Variants in TMEM63C observed in about 807,000 individuals in gnomAD.
TMEM63C encodes osmosensitive cation channel TMEM63C.
TMEM63C carries 32 observed loss-of-function variants against 99.2 expected under a neutral mutation model. The ratio of observed to expected loss-of-function variants is 0.32; its 90% CI spans 0.24 to 0.43. The LOEUF is 0.43. TMEM63C is among the 20% of genes least tolerant of loss of function. The pLI, the probability that TMEM63C is intolerant of heterozygous loss-of-function variation, is 1.00. For synonymous variants in TMEM63C, 376 were observed against 397.9 expected (o/e 0.94, Z 0.66); for missense variants, 826 against 1,053.0 (o/e 0.78, Z 2.98).
chr14:77,225,948 C>A (rs1023764147), intron 6 of TMEM63C, among the ~76,000 whole-genome samples: 2 of 152,084 alleles, frequency 1.3e-5, no homozygotes, highest in Non-Finnish European at 2.9e-5. Context: ...ATGCCAGACC[C>A]CACTTTGCAA....
At chr14:77,194,099 T>C (rs1416798931) in intron 1 of TMEM63C, among the ~76,000 whole-genome samples, 1 of 152,238 alleles carries the variant, frequency 6.6e-6, no homozygotes, top group Non-Finnish European at 1.5e-5. Context: ...ATTACAGCTT[T>C]GCTTGTGCAG....
At chr14:77,219,958 G>A (rs773213241) in intron 4 of TMEM63C, 48 bp from the exon 5 acceptor site, 25 of 1,531,240 alleles carry the variant, frequency 1.6e-5, no homozygotes, top group Non-Finnish European at 2.2e-5. Context: ...AGGCAGCTGA[G>A]AACTTTTCTC....
At chr14:77,244,267 A>T in intron 15 of TMEM63C, 82 bp from the exon 16 acceptor site, 1 of 1,063,800 alleles carries the variant, frequency 9.4e-7, no homozygotes, top group Non-Finnish European at 1.4e-6. Context: ...CAGCCCTGGG[A>T]GTGAGTGGGA....
chr14:77,227,350 G>A (rs1888845902), intron 6 of TMEM63C, among the ~76,000 whole-genome samples: 2 of 152,166 alleles, frequency 1.3e-5, no homozygotes, highest in Admixed American at 1.3e-4. Context: ...ACAGTCAGTA[G>A]GTTGTGGCCT....
In TMEM63C at chr14:77,257,008, ACTG is replaced by A. The variant is rs1400213541; in HGVS notation, c.*283_*285del. The A allele has an allele frequency of 5.0e-6, 2 of 402,482 alleles. No individual in the cohort carries two copies. Among genetic ancestry groups the A allele is most frequent in the Non-Finnish European group, 9.0e-6 (2 of 222,088 alleles). 24.9% of individuals were successfully genotyped at this position (402,482 alleles called of 1,614,324 possible). ...AGGTGGCTGGAGCCCCGGCACAGAG[ACTG>A]AACGCTGGGGTCCCTTCCTGGGACC... is the stretch of plus-strand genomic sequence containing the variant. On this transcript the variant is annotated 3_prime_UTR_variant, in exon 24 of 24. Transcript: ENST00000298351.
chr14:77,186,871 C>G (rs965776505), intron 1 of TMEM63C, among the ~76,000 whole-genome samples: 1 of 144,886 alleles, frequency 6.9e-6, no homozygotes, highest in Non-Finnish European at 1.5e-5. Context: ...ATACAATGAG[C>G]AAGCTGTTGC....
At chr14:77,251,668 GA>G (rs1889362115) in intron 21 of TMEM63C, 120 bp from the exon 22 acceptor site, 42 of 727,502 alleles carry the variant, frequency 5.8e-5, no homozygotes, top group South Asian at 4.3e-4. Context: ...GTTGTTATCA[GA>G]GGAGGACTGG....
chr14:77,238,408 G>A (rs565585215), intron 9 of TMEM63C, among the ~76,000 whole-genome samples: 2 of 152,330 alleles, frequency 1.3e-5, no homozygotes, highest in Admixed American at 6.5e-5. Flanking sequence ...ACAGCAGTCC[G>A]GAGCAGGGCA....
intron 8 of TMEM63C, 56 bp downstream of exon 8, chr14:77,233,556 G>A: frequency 6.3e-7 from 1 of 1,585,200 alleles, no homozygotes; most frequent in Non-Finnish European, 8.6e-7. Context: ...GGTGTGGAGA[G>A]GAGGTCTAAC....
chr14:77,208,623 C>T (rs1057398126), intron 1 of TMEM63C, among the ~76,000 whole-genome samples: 1 of 152,236 alleles, frequency 6.6e-6, no homozygotes, highest in Non-Finnish European at 1.5e-5. Context: ...AACTTTCCAG[C>T]TTCTGCAATA....
intron 1 of TMEM63C, among the ~76,000 whole-genome samples, chr14:77,193,110 G>A (rs967095536): frequency 6.6e-6 from 1 of 152,134 alleles, no homozygotes; most frequent in African/African-American, 2.4e-5. Context: ...AGAAAGGATG[G>A]ACACAGACAA....
In TMEM63C at chr14:77,252,076, C is replaced by T. The variant is rs372091760; in HGVS notation, c.2148+178C>T. Among the ~76,000 whole-genome samples the T allele has an allele frequency of 1.5e-4, 20 of 137,554 alleles. No individual in the cohort carries two copies. The East Asian group carries it at 2.8e-3, about 19-fold the overall frequency. The allele number at this position is 137,554 out of a possible 152,430, so 90.2% of individuals were successfully genotyped here. On this transcript the variant is annotated intron_variant, in intron 22 of 23. Coordinates refer to ENST00000298351, the MANE Select transcript of TMEM63C (RefSeq NM_020431.4). ...CGTGCATGCATGCGTGCATGCCTTG[C>T]GTGCATGCGTGCATGCCTTGCACTA... is the stretch of plus-strand genomic sequence containing the variant.
Position 77,188,637 on chromosome 14 carries a change from G to A in TMEM63C, c.-77+6743G>A, listed in dbSNP as rs79102231. ...TAATCCCAGCACTTTGGAGGCCCAG[G>A]TGGGAGGATTGCTTGAGCCCAGGAG... On this transcript the variant is annotated intron_variant, in intron 1 of 23. Transcript: ENST00000298351. 2.4e-4 allele frequency among the ~76,000 whole-genome samples: 36 copies of A among 152,298 alleles called. No individual in the cohort carries two copies. The East Asian group carries it at 5.4e-3, about 23-fold the overall frequency.
chr14:77,223,798 G>A (rs61991635), intron 5 of TMEM63C, among the ~76,000 whole-genome samples: 23,330 of 152,074 alleles, frequency 0.15, 2,258 homozygotes, highest in East Asian at 0.44. Flanking sequence ...ACCTGTAGTG[G>A]AAGGGGCAGA....
rs552915016 is a variant in TMEM63C, at chr14:77,197,452, C to G, written c.-77+15558C>G. On this transcript the variant is annotated intron_variant, in intron 1 of 23. Transcript: ENST00000298351. ...GCAGTGGAGCCAGATGGGTTCACAA[C>G]CCAGCTCAACCACCTACTGGCCTTG... is the stretch of plus-strand genomic sequence containing the variant. Among the ~76,000 whole-genome samples the G allele has an allele frequency of 2.0e-5, 3 of 152,342 alleles. No homozygotes were observed. In the East Asian group the frequency reaches 5.8e-4, roughly 29 times the overall value.
At chr14:77,255,531 G>A (rs1179128383) in intron 23 of TMEM63C, among the ~76,000 whole-genome samples, 1 of 152,168 alleles carries the variant, frequency 6.6e-6, no homozygotes, top group African/African-American at 2.4e-5. Flanking sequence ...GTTCCACCTG[G>A]ATTTTTCTGG....
At chr14:77,185,634 G>A (rs1166093015) in intron 1 of TMEM63C, among the ~76,000 whole-genome samples, 2 of 152,290 alleles carry the variant, frequency 1.3e-5, no homozygotes, top group East Asian at 3.9e-4. Context: ...CAGTGATTTG[G>A]CCATAGGGTA....
chr14:77,244,898 C>T (rs950353796), intron 16 of TMEM63C, among the ~76,000 whole-genome samples: 1 of 152,186 alleles, frequency 6.6e-6, no homozygotes, highest in Non-Finnish European at 1.5e-5. Context: ...CACATATGGC[C>T]CACACCATGC....
In TMEM63C at chr14:77,239,493, G is replaced by A; in HGVS notation, c.806+1G>A. 6.2e-7 allele frequency: 1 copy of A among 1,613,530 alleles called. No homozygotes were observed. Among genetic ancestry groups the A allele is most frequent in the Non-Finnish European group, 8.5e-7 (1 of 1,179,826 alleles). ...ACCTGATCGACTTGGACGATCAGAG[G>A]TGAGGCTGCAGCGGGGCCTTTTGGG... On this transcript the variant is annotated splice_donor_variant, in intron 11 of 23. Transcript: ENST00000298351. LOFTEE classifies it high-confidence loss of function.
Sources: gnomAD v4.1 joint callset for allele counts (sites outside exome capture counted in the v4.1 genomes callset) on GRCh38, gnomAD v4.1.1 for gene constraint, MANE v1.5 for transcripts, NCBI Gene and HGNC (gene_info 2026-07-23, HGNC 2026-07-21) for gene names.